Variants in CLEC2A observed in about 807,000 individuals in gnomAD.
CLEC2A encodes the protein keratinocyte-associated C-type lectin.
CLEC2A carries 19 observed loss-of-function variants against 18.6 expected under a neutral mutation model. The ratio of observed to expected loss-of-function variants is 1.02; its 90% CI spans 0.71 to 1.50. CLEC2A has a LOEUF of 1.50. CLEC2A is among the 40% of genes most tolerant of loss of function. CLEC2A has a pLI of 0.00. For synonymous variants in CLEC2A, 74 were observed against 64.0 expected, an observed-to-expected ratio of 1.16 and a Z score of -0.75; for missense variants, 190 against 207.9, an observed-to-expected ratio of 0.91 and a Z score of 0.53.
Position 9,904,233 on chromosome 12 carries a change from T to C in CLEC2A, c.411-5257A>G, listed in dbSNP as rs534689179. On this transcript the variant is annotated intron_variant, in intron 4 of 4. Transcript: ENST00000339766. ...GACTGACCCACAGGGTGCTGGACTTTGGGGAATAGCAGAGAGAGAGCTCCG... is the reference window on the plus strand; with the variant it reads ...GACTGACCCACAGGGTGCTGGACTTCGGGGAATAGCAGAGAGAGAGCTCCG... 4.6e-5 allele frequency among the ~76,000 whole-genome samples: 7 copies of C among 152,210 alleles called. No individual in the cohort carries two copies. In the South Asian group the frequency reaches 1.0e-3, roughly 23 times the overall value.
chr12:9,903,702 T>C (rs567423415), intron 4 of CLEC2A, among the ~76,000 whole-genome samples: 1 of 152,360 alleles, frequency 6.6e-6, no homozygotes, highest in Admixed American at 6.5e-5. Flanking sequence ...TTTAGTATAG[T>C]TAACAAATTG....
chr12:9,881,578 CATT>C, the CLEC2A span: 1 of 1,493,206 alleles, frequency 6.7e-7, no homozygotes, highest in Non-Finnish European at 9.0e-7. Context: ...GATAATAAGA[CATT>C]AGACATTTGA....
At chr12:9,909,115 T>C (rs1409533310), downstream of CLEC2A, among the ~76,000 whole-genome samples, 2 of 152,216 alleles carry the variant, frequency 1.3e-5, 1 homozygote, top group East Asian at 3.8e-4. Context: ...CTAGGGGATC[T>C]TATAAATCTA....
At chr12:9,888,673 T>C in the CLEC2A span, 22 of 954,954 alleles carry the variant, frequency 2.3e-5, no homozygotes, top group Non-Finnish European at 3.4e-5. Flanking sequence ...TATTCTCATG[T>C]ACCTAGATTG....
chr12:9,880,703 A>G, the CLEC2A span, among the ~76,000 whole-genome samples: 2 of 152,314 alleles, frequency 1.3e-5, no homozygotes, highest in Admixed American at 1.3e-4. Context: ...AATGCTGCAG[A>G]TAGTCTGAAG....
At chr12:9,895,838 A>G (rs183332225), downstream of CLEC2A, 50 of 1,522,316 alleles carry the variant, frequency 3.3e-5, no homozygotes, top group African/African-American at 6.8e-4. Context: ...GTGTAAATGT[A>G]CAACCAAACA....
chr12:9,883,863 T>C, the CLEC2A span, among the ~76,000 whole-genome samples: 3 of 152,144 alleles, frequency 2.0e-5, no homozygotes, highest in Admixed American at 6.6e-5. Flanking sequence ...GAAATTAGAT[T>C]TGAGAAACAG....
At chr12:9,888,406 C>T in the CLEC2A span, among the ~76,000 whole-genome samples, 1 of 151,706 alleles carries the variant, frequency 6.6e-6, no homozygotes, top group Non-Finnish European at 1.5e-5. Flanking sequence ...AGGAGAATGG[C>T]GAGAACCTGG....
At chr12:9,892,903 CAAAA>C in the CLEC2A span, 1 of 775,304 alleles carries the variant, frequency 1.3e-6, no homozygotes, top group Non-Finnish European at 1.9e-6. Flanking sequence ...TTTTATTGAC[CAAAA>C]AAAAAAAAAT....
chr12:9,929,603 A>T (rs1293527975), intron 1 of CLEC2A, among the ~76,000 whole-genome samples: 1 of 152,090 alleles, frequency 6.6e-6, no homozygotes, highest in African/African-American at 2.4e-5. Context: ...AGCATTCCTA[A>T]CATAAATCCA....
downstream of CLEC2A, among the ~76,000 whole-genome samples, chr12:9,911,491 C>G (rs144569216): frequency 6.5e-4 from 99 of 152,258 alleles, no homozygotes; most frequent in African/African-American, 2.3e-3. Context: ...TTCTCAAAAC[C>G]CCAAAAGTAG....
At chr12:9,921,998 A>G in intron 3 of CLEC2A, 68 bp downstream of exon 3, 1 of 1,246,818 alleles carries the variant, frequency 8.0e-7, no homozygotes, top group Non-Finnish European at 1.1e-6. Context: ...AGTATTAGCT[A>G]TTATTGTTTT....
chr12:9,881,547 T>C, the CLEC2A span: 1 of 1,336,318 alleles, frequency 7.5e-7, no homozygotes, highest in African/African-American at 1.4e-5. Flanking sequence ...TTAGTTTCCA[T>C]TTTCTTTGTA....
the CLEC2A span, among the ~76,000 whole-genome samples, chr12:9,885,765 C>T: frequency 6.6e-6 from 1 of 151,930 alleles, no homozygotes; most frequent in Admixed American, 6.6e-5. Flanking sequence ...CAATCATATA[C>T]CTCAAAATTG....
intron 3 of CLEC2A, among the ~76,000 whole-genome samples, chr12:9,921,730 C>T (rs1443911798): frequency 6.6e-6 from 1 of 151,960 alleles, no homozygotes; most frequent in Non-Finnish European, 1.5e-5. Flanking sequence ...TGTATTATTA[C>T]CATAAAGGAA....
the CLEC2A span, chr12:9,885,116 T>C: frequency 4.7e-6 from 2 of 422,656 alleles, no homozygotes; most frequent in Admixed American, 4.5e-5. Flanking sequence ...AGATAAACTC[T>C]ACACTGTAGT....
the CLEC2A span, among the ~76,000 whole-genome samples, chr12:9,882,353 C>T: frequency 6.6e-6 from 1 of 152,206 alleles, no homozygotes; most frequent in Non-Finnish European, 1.5e-5. Flanking sequence ...CCCCTGCCCC[C>T]ACAAAATGAC....
At chr12:9,893,224 T>A in the CLEC2A span, 1 of 1,465,588 alleles carries the variant, frequency 6.8e-7, no homozygotes. Flanking sequence ...TAGGTGCAAG[T>A]TCACTGCCTA....
At chr12:9,909,779 C>T (rs1862956845), downstream of CLEC2A, among the ~76,000 whole-genome samples, 1 of 151,880 alleles carries the variant, frequency 6.6e-6, no homozygotes, top group Non-Finnish European at 1.5e-5. Context: ...GATGATAATT[C>T]CCAAGAATTG....
Sources: gnomAD v4.1 joint callset for allele counts (sites outside exome capture counted in the v4.1 genomes callset) on GRCh38, gnomAD v4.1.1 for gene constraint, MANE v1.5 for transcripts, NCBI Gene and HGNC (gene_info 2026-07-23, HGNC 2026-07-21) for gene names.